The following GABARAPL1 variants were observed in gnomAD, a reference collection of about 807,000 sequenced individuals.
The protein encoded by GABARAPL1 is gamma-aminobutyric acid receptor-associated protein-like 1.
A neutral mutation model predicts 14.5 loss-of-function variants in GABARAPL1; 4 were observed. The observed-to-expected ratio is 0.28, with a 90% CI of 0.14 to 0.63. The LOEUF is 0.63. Among genes scored for constraint, GABARAPL1 ranks in the 30% least tolerant of loss-of-function variants. The probability of loss-of-function intolerance (pLI) is 0.84; values close to 1 mark genes in which losing one functional copy is unlikely to be tolerated. For synonymous variants in GABARAPL1, 47 were observed against 50.6 expected, an observed-to-expected ratio of 0.93 and a Z score of 0.30; for missense variants, 82 against 139.2, an observed-to-expected ratio of 0.59 and a Z score of 2.07.
chr12:10,213,967 C>T (rs1949073437), intron 1 of GABARAPL1: 2 of 438,012 alleles, frequency 4.6e-6, no homozygotes, highest in Non-Finnish European at 9.2e-6. Context: ...TTAAAACTAC[C>T]GCAGGCAGTG....
intron 3 of GABARAPL1, 192 bp downstream of exon 3, chr12:10,220,750 C>A: frequency 6.6e-7 from 1 of 1,507,006 alleles, no homozygotes; most frequent in Non-Finnish European, 8.9e-7. Context: ...ATTAGCCACT[C>A]TACTAGATTT....
chr12:10,217,817 GTTC>G (rs1949098785), intron 1 of GABARAPL1, among the ~76,000 whole-genome samples: 1 of 151,834 alleles, frequency 6.6e-6, no homozygotes, highest in Admixed American at 6.6e-5. Context: ...TAAAATCAAA[GTTC>G]TTTTTACTTT....
Position 10,221,904 on chromosome 12 carries a change from G to T in GABARAPL1, c.*52G>T. 6.4e-7 allele frequency: 1 copy of T among 1,557,060 alleles called. No individual in the cohort carries two copies. The highest frequency in any genetic ancestry group is 8.9e-7 in the Non-Finnish European group (1 of 1,129,326). Reference sequence around the variant, plus strand: ...CACCTGGACTTGGGGGTAGGGGAGGGGTGTGTGTGCGCGACATGGGGAAAG... The same window carrying T: ...CACCTGGACTTGGGGGTAGGGGAGGTGTGTGTGTGCGCGACATGGGGAAAG... On this transcript the variant is annotated 3_prime_UTR_variant, in exon 4 of 4. Coordinates refer to ENST00000266458, the MANE Select transcript of GABARAPL1 (RefSeq NM_031412.4).
At chr12:10,217,938 A>G in intron 1 of GABARAPL1, 125 bp from the exon 2 acceptor site, 1 of 655,192 alleles carries the variant, frequency 1.5e-6, no homozygotes, top group South Asian at 1.7e-5. Flanking sequence ...ATAAGAAATG[A>G]AACAGGTGTC....
In GABARAPL1 at chr12:10,221,584, A is replaced by G. The variant is rs1949120477; in HGVS notation, c.289-203A>G. The G allele has an allele frequency of 1.5e-5, 7 of 471,400 alleles. No homozygotes were observed. The South Asian group carries it at 3.6e-4, about 25-fold the overall frequency. The allele number at this position is 471,400 out of a possible 1,614,324, so 29.2% of individuals were successfully genotyped here. The stretch of plus-strand genomic sequence containing the variant: ...TTCATATCCCTGATACCTATGTGTA[A>G]TATGTTTTCAATGAAGGATTTTTGT... On this transcript the variant is annotated intron_variant, in intron 3 of 3. Coordinates refer to ENST00000266458, the MANE Select transcript of GABARAPL1 (RefSeq NM_031412.4).
In GABARAPL1 at chr12:10,218,049, T is replaced by A; in HGVS notation, c.91-14T>A. The A allele has an allele frequency of 1.3e-6, 2 of 1,538,470 alleles. No homozygotes were observed. Among genetic ancestry groups the A allele is most frequent in the Non-Finnish European group, 1.8e-6 (2 of 1,111,242 alleles). On this transcript the variant is annotated splice_polypyrimidine_tract_variant and intron_variant, in intron 1 of 3. Coordinates refer to ENST00000266458, the MANE Select transcript of GABARAPL1 (RefSeq NM_031412.4). ...TCTGTAGTTTTCATTCCTACTCTCC[T>A]CCTCTTCTTCCAGGTGATTGTAGAG...
chr12:10,219,611 C>G (rs1167498135), intron 2 of GABARAPL1, among the ~76,000 whole-genome samples: 2 of 151,888 alleles, frequency 1.3e-5, no homozygotes, highest in Non-Finnish European at 2.9e-5. Flanking sequence ...ACCAGCCTGG[C>G]CAACGTGGTG....
At chr12:10,220,867 A>T in intron 3 of GABARAPL1, 1 of 1,416,800 alleles carries the variant, frequency 7.1e-7, no homozygotes, top group East Asian at 2.5e-5. Context: ...CAAAAGTTCC[A>T]AAGCGTCAGC....
chr12:10,217,347 T>G (rs1449118456), intron 1 of GABARAPL1, among the ~76,000 whole-genome samples: 1 of 152,244 alleles, frequency 6.6e-6, no homozygotes, highest in Non-Finnish European at 1.5e-5. Context: ...ACGTTATTGG[T>G]ACCTTTAATA....
At chr12:10,221,526 C>T (rs1451108460) in intron 3 of GABARAPL1, 2 of 766,968 alleles carry the variant, frequency 2.6e-6, no homozygotes, top group African/African-American at 3.8e-5. Flanking sequence ...TAGGAGTGAG[C>T]TCTTTAAGAG....
At chr12:10,214,143 G>T (rs1949074653) in intron 1 of GABARAPL1, 1 of 238,488 alleles carries the variant, frequency 4.2e-6, no homozygotes, top group Admixed American at 4.8e-5. Context: ...TTGGATTTTG[G>T]AAATGGAGGA....
chr12:10,220,303 C>A, intron 2 of GABARAPL1, 137 bp from the exon 3 acceptor site: 2 of 1,236,988 alleles, frequency 1.6e-6, no homozygotes, highest in Non-Finnish European at 1.1e-6. Flanking sequence ...GTATTTGGCT[C>A]TTCTCAGATG....
Position 10,221,954 on chromosome 12 carries a change from CAG to C in GABARAPL1, c.*104_*105del. 1.0e-6 allele frequency: 1 copy of C among 957,468 alleles called. No individual in the cohort carries two copies. The allele number at this position is 957,468 out of a possible 1,614,324, so 59.3% of individuals were successfully genotyped here. A position where few individuals can be genotyped will look rare whatever the true frequency, so the allele number is the denominator to read the frequency against. The stretch of plus-strand genomic sequence containing the variant: ...GAGGGTGGCTCCCACCGCAAGGAGA[CAG>C]AAGGTGAAGACATCTAGAAACATTA... On this transcript the variant is annotated 3_prime_UTR_variant, in exon 4 of 4. Transcript: ENST00000266458.
In GABARAPL1 at chr12:10,220,416, C is replaced by T. The variant is rs779236548; in HGVS notation, c.170-24C>T. The T allele has an allele frequency of 1.9e-6, 3 of 1,611,606 alleles. No individual in the cohort carries two copies. The Admixed American group carries it at 5.0e-5, about 27-fold the overall frequency. ...CCTTGTTTTCTTACTTTCTTTTCTG[C>T]CCTTTTCTTCTTCCATCATCCAGTT... is the stretch of plus-strand genomic sequence containing the variant. On this transcript the variant is annotated intron_variant, in intron 2 of 3. Transcript: ENST00000266458.
At chr12:10,216,491 T>C (rs1949090034) in intron 1 of GABARAPL1, among the ~76,000 whole-genome samples, 2 of 152,044 alleles carry the variant, frequency 1.3e-5, no homozygotes, top group South Asian at 4.2e-4. Flanking sequence ...CACTTTTTTT[T>C]CTGCATTTCC....
intron 3 of GABARAPL1, 63 bp downstream of exon 3, chr12:10,220,621 T>C (rs2137591593): frequency 6.2e-7 from 1 of 1,610,508 alleles, no homozygotes. Context: ...CTCTAGCCCT[T>C]GTTCTAGATG....
At chr12:10,214,944 A>G (rs1249564010) in intron 1 of GABARAPL1, among the ~76,000 whole-genome samples, 1 of 152,206 alleles carries the variant, frequency 6.6e-6, no homozygotes, top group Non-Finnish European at 1.5e-5. Context: ...TTTCCTGCTC[A>G]TAGTTTGGTG....
At chr12:10,213,945 C>A in intron 1 of GABARAPL1, 1 of 448,374 alleles carries the variant, frequency 2.2e-6, no homozygotes, top group Non-Finnish European at 4.5e-6. Context: ...TTTTGGACAC[C>A]GGCTTAAGTA....
intron 1 of GABARAPL1, chr12:10,213,708 C>A: frequency 2.8e-6 from 1 of 359,408 alleles, no homozygotes; most frequent in Non-Finnish European, 5.6e-6. Flanking sequence ...GGTCTTGGGA[C>A]GAAAAGGTTC....
Sources: allele counts gnomAD v4.1 joint callset (sites outside exome capture counted in the v4.1 genomes callset), GRCh38; gene constraint gnomAD v4.1.1; transcripts MANE v1.5; gene names NCBI Gene and HGNC (gene_info 2026-07-23, HGNC 2026-07-21).